The following PDE10A variants were observed in gnomAD, a reference collection of about 807,000 sequenced individuals.
PDE10A encodes cAMP and cAMP-inhibited cGMP 3',5'-cyclic phosphodiesterase 10A.
A neutral mutation model predicts 97.7 loss-of-function variants in PDE10A; 39 were observed. The ratio of observed to expected loss-of-function variants is 0.40; its 90% CI spans 0.31 to 0.52. The LOEUF (loss-of-function observed/expected upper bound fraction) is 0.52. PDE10A is among the 20% of genes least tolerant of loss of function. PDE10A has a pLI of 0.56. For missense variants in PDE10A, 731 were observed against 1,047.8 expected (o/e 0.70, Z 4.17); for synonymous variants, 371 against 376.8 (o/e 0.98, Z 0.18).
intron 1 of PDE10A, among the ~76,000 whole-genome samples, chr6:165,842,465 C>G (rs1456807125): frequency 6.6e-6 from 1 of 152,240 alleles, no homozygotes; most frequent in Non-Finnish European, 1.5e-5. Flanking sequence ...ATCCAGCTCC[C>G]TTGCATGCTG....
intron 5 of PDE10A, among the ~76,000 whole-genome samples, chr6:165,438,423 G>A (rs1258318430): frequency 6.6e-6 from 1 of 152,120 alleles, no homozygotes; most frequent in Non-Finnish European, 1.5e-5. Flanking sequence ...CCCGACCTCA[G>A]GTGATCCACC....
intron 1 of PDE10A, among the ~76,000 whole-genome samples, chr6:165,734,489 A>C (rs547234122): frequency 9.2e-5 from 14 of 152,332 alleles, no homozygotes; most frequent in Non-Finnish European, 1.0e-4. Flanking sequence ...TTAGAAAAGG[A>C]TCCAAAACCA....
rs56216066 is a variant in PDE10A at position 165,854,988 on chromosome 6, G to GGAATGAATGAATGAATGAATGAAT, written c.-615+132517_-615+132540dup. ...GTTTAGGCGCGGGGGAAGAGGAAGAGGAATGAATGAATGAATGAATGAATG... is the reference window on the plus strand; with the variant it reads ...GTTTAGGCGCGGGGGAAGAGGAAGAGGAATGAATGAATGAATGAATGAATGAATGAATGAATGAATGAATGAATG... On this transcript the variant is annotated intron_variant, in intron 1 of 19. Coordinates refer to the PDE10A transcript ENST00000366882. 1.3e-5 allele frequency among the ~76,000 whole-genome samples: 2 copies of GGAATGAATGAATGAATGAATGAAT among 149,736 alleles called. 1 individual carries two copies. The highest frequency in any genetic ancestry group is 3.0e-5 in the Non-Finnish European group (2 of 67,516).
intron 1 of PDE10A, among the ~76,000 whole-genome samples, chr6:165,885,926 A>C (rs1781620685): frequency 6.6e-6 from 1 of 152,332 alleles, no homozygotes; most frequent in South Asian, 2.1e-4. Flanking sequence ...CAGATAAGTA[A>C]GTTTAAATGT....
chr6:165,792,218 A>G (rs1778675366), intron 1 of PDE10A, among the ~76,000 whole-genome samples: 1 of 152,166 alleles, frequency 6.6e-6, no homozygotes, highest in African/African-American at 2.4e-5. Flanking sequence ...TTGAGCAAAC[A>G]ACTACCAACC....
intron 1 of PDE10A, among the ~76,000 whole-genome samples, chr6:165,733,363 C>T (rs973328715): frequency 6.6e-6 from 1 of 152,210 alleles, no homozygotes; most frequent in Non-Finnish European, 1.5e-5. Context: ...CTATTTCCTG[C>T]TGCCCTTGTG....
intron 2 of PDE10A, among the ~76,000 whole-genome samples, chr6:165,529,328 A>G (rs753188516): frequency 1.3e-5 from 2 of 152,180 alleles, no homozygotes; most frequent in Non-Finnish European, 2.9e-5. Context: ...ATGCCCTGTG[A>G]TTAAAGTCTA....
rs567506763 is a variant in PDE10A, at chr6:165,907,698, G to A, written c.-615+79831C>T. On this transcript the variant is annotated intron_variant, in intron 1 of 19. Transcript: ENST00000366882. ...GAATAAAGCACCCTGCAGGAGGAGC[G>A]GATGCCTCAGACCAGTGATGGGCCT... Among the ~76,000 whole-genome samples the A allele has an allele frequency of 2.4e-4, 36 of 152,300 alleles. 1 individual carries two copies. Among genetic ancestry groups the A allele is most frequent in the East Asian group, 7.7e-4 (4 of 5,184 alleles).
At chr6:165,810,092 A>G (rs1779238512) in intron 1 of PDE10A, among the ~76,000 whole-genome samples, 1 of 152,158 alleles carries the variant, frequency 6.6e-6, no homozygotes, top group Non-Finnish European at 1.5e-5. Context: ...GGATTTCCAC[A>G]TCAACATTTC....
At chr6:165,520,092 G>GT (rs944371024) in intron 2 of PDE10A, among the ~76,000 whole-genome samples, 12 of 152,156 alleles carry the variant, frequency 7.9e-5, no homozygotes, top group African/African-American at 2.9e-4. Flanking sequence ...TCTGTTTGAA[G>GT]TGACAATCAC....
chr6:165,627,191 A>G (rs1306975562), intron 1 of PDE10A, among the ~76,000 whole-genome samples: 1 of 152,236 alleles, frequency 6.6e-6, no homozygotes, highest in African/African-American at 2.4e-5. Flanking sequence ...TATACAAAAC[A>G]TTAACTATTT....
In PDE10A at chr6:165,915,777, G is replaced by T. The variant is rs186815903; in HGVS notation, c.-615+71752C>A. ...TGGTTACAAAATCATGGCCATGTAT[G>T]TGCACACCTCAAGGCTTCTTTACTT... On this transcript the variant is annotated intron_variant, in intron 1 of 19. Transcript: ENST00000366882. 2.9e-4 allele frequency among the ~76,000 whole-genome samples: 44 copies of T among 152,342 alleles called. No individual in the cohort carries two copies. The East Asian group carries it at 7.5e-3, about 26-fold the overall frequency.
Position 165,534,765 on chromosome 6 carries a change from G to A in PDE10A, c.994+8675C>T, listed in dbSNP as rs1053845993. ...TTCAACATTCCTTTATGATAAAAAC[G>A]CTCAGCAAACTGGCTATAGAAGAAA... On this transcript the variant is annotated intron_variant, in intron 2 of 21. Transcript: ENST00000539869. Among the ~76,000 whole-genome samples the A allele has an allele frequency of 5.3e-5, 8 of 151,828 alleles. 1 individual carries two copies. The highest frequency in any genetic ancestry group is 2.9e-5 in the Non-Finnish European group (2 of 67,858).
intron 1 of PDE10A, among the ~76,000 whole-genome samples, chr6:165,732,932 C>A (rs891353408): frequency 3.3e-5 from 5 of 152,206 alleles, no homozygotes; most frequent in African/African-American, 7.2e-5. Context: ...GTTTCTTTCC[C>A]AGCACCTGGA....
At chr6:165,334,685 G>A (rs1189018872) in intron 21 of PDE10A, among the ~76,000 whole-genome samples, 1 of 152,028 alleles carries the variant, frequency 6.6e-6, no homozygotes, top group African/African-American at 2.4e-5. Flanking sequence ...ACTCCATATT[G>A]CCCATTATGA....
chr6:165,899,183 T>G (rs1476890174), intron 1 of PDE10A, among the ~76,000 whole-genome samples: 1 of 152,202 alleles, frequency 6.6e-6, no homozygotes, highest in African/African-American at 2.4e-5. Flanking sequence ...TGGGGGATGA[T>G]CCTCATTCAG....
chr6:165,606,246 G>A lies in PDE10A; in HGVS notation c.865+55701C>T, dbSNP rs907180062. Among the ~76,000 whole-genome samples the A allele has an allele frequency of 2.0e-5, 3 of 151,778 alleles. 1 individual carries two copies. Among genetic ancestry groups the A allele is most frequent in the Admixed American group, 2.0e-4 (3 of 15,214 alleles). On this transcript the variant is annotated intron_variant, in intron 1 of 21. Transcript: ENST00000539869. ...TGCTACCAACAATTACAATAACACT[G>A]AGGAAAGAGAAGCTCATAAGAGGGG...
chr6:165,966,068 A>G (rs1784501216), intron 1 of PDE10A, among the ~76,000 whole-genome samples: 1 of 152,266 alleles, frequency 6.6e-6, no homozygotes, highest in South Asian at 2.1e-4. Context: ...AGATCAGATA[A>G]CTACAAAATT....
intron 1 of PDE10A, among the ~76,000 whole-genome samples, chr6:165,797,162 A>G (rs1374810921): frequency 2.0e-5 from 3 of 152,196 alleles, no homozygotes; most frequent in African/African-American, 7.2e-5. Flanking sequence ...GTGTTGAGCA[A>G]GGACACTCCA....
Sources: allele counts gnomAD v4.1 joint callset (sites outside exome capture counted in the v4.1 genomes callset), GRCh38; gene constraint gnomAD v4.1.1; transcripts MANE v1.5; gene names NCBI Gene and HGNC (gene_info 2026-07-23, HGNC 2026-07-21).